The following PDS5B variants were observed in gnomAD, a reference collection of about 807,000 sequenced individuals.
The protein encoded by PDS5B is sister chromatid cohesion protein PDS5 homolog B.
PDS5B carries 51 observed loss-of-function variants against 184.1 expected under a neutral mutation model. The observed-to-expected ratio is 0.28, with a 90% confidence interval of 0.22 to 0.35. PDS5B has a LOEUF of 0.35. Among genes scored for constraint, PDS5B ranks in the 10% least tolerant of loss-of-function variants. The pLI is 1.00. For missense variants in PDS5B, 1,180 were observed against 1,723.3 expected, an observed-to-expected ratio of 0.68 and a Z score of 5.58; for synonymous variants, 566 against 569.2, an observed-to-expected ratio of 0.99 and a Z score of 0.08.
chr13:32,636,910 A>G (rs1481631478), intron 1 of PDS5B, among the ~76,000 whole-genome samples: 1 of 152,222 alleles, frequency 6.6e-6, no homozygotes, highest in Non-Finnish European at 1.5e-5. Flanking sequence ...GAGACTTGAA[A>G]GAGCAGTGTT....
intron 18 of PDS5B, among the ~76,000 whole-genome samples, chr13:32,709,568 C>G (rs987888532): frequency 1.3e-5 from 2 of 151,996 alleles, no homozygotes; most frequent in Non-Finnish European, 2.9e-5. Flanking sequence ...CTTCTTCAGT[C>G]TCTGCTAATG....
chr13:32,706,583 A>G (rs1252503199), intron 17 of PDS5B, among the ~76,000 whole-genome samples: 2 of 152,116 alleles, frequency 1.3e-5, no homozygotes, highest in Admixed American at 6.5e-5. Flanking sequence ...ATATTGTTCT[A>G]CTTACTGGAC....
intron 1 of PDS5B, among the ~76,000 whole-genome samples, chr13:32,607,762 G>A (rs1037630350): frequency 3.9e-5 from 6 of 152,290 alleles, no homozygotes; most frequent in East Asian, 1.9e-4. Flanking sequence ...CAGCAATGGC[G>A]AATGCCCCTC....
chr13:32,701,308 T>C lies in PDS5B; in HGVS notation c.1741-15T>C, dbSNP rs1951855373. 7.8e-7 allele frequency: 1 copy of C among 1,289,538 alleles called. No individual in the cohort carries two copies. The highest frequency in any genetic ancestry group is 1.1e-6 in the Non-Finnish European group (1 of 895,464). The allele number at this position is 1,289,538 out of a possible 1,614,324, so 79.9% of individuals were successfully genotyped here. On this transcript the variant is annotated splice_polypyrimidine_tract_variant and intron_variant, in intron 16 of 34. Transcript: ENST00000315596. The stretch of plus-strand genomic sequence containing the variant: ...TAAATGTACTTTTGTAATACTGAAA[T>C]AATCTGTATTACAGCGTGAAATAAC...
chr13:32,741,082 T>C lies in PDS5B; in HGVS notation c.2409T>C (p.Leu803=). The change falls in exon 22 of 35, where the codon CTT becomes CTC. Residue 803 remains leucine, a splice_region_variant and synonymous_variant. Coordinates refer to ENST00000315596, the MANE Select transcript of PDS5B (RefSeq NM_015032.4). ...IVKDLLMNDR[L]PGKKTTKLWV... The stretch of plus-strand genomic sequence containing the variant: ...TTTTTTTTCTCGTTTATTTTTAGCT[T>C]CCAGGGAAAAAGACAACTAAACTTT... 6.5e-7 allele frequency: 1 copy of C among 1,531,508 alleles called. No homozygotes were observed. Among genetic ancestry groups the C allele is most frequent in the Non-Finnish European group, 8.9e-7 (1 of 1,118,716 alleles). 94.9% of individuals were successfully genotyped at this position (1,531,508 alleles called of 1,614,324 possible). A position where few individuals can be genotyped will look rare whatever the true frequency, so the allele number is the denominator to read the frequency against.
chr13:32,761,891 C>T (rs935026324), intron 30 of PDS5B, among the ~76,000 whole-genome samples: 1 of 152,188 alleles, frequency 6.6e-6, no homozygotes, highest in Admixed American at 6.5e-5. Flanking sequence ...AACTGTTTTC[C>T]ATAGTGGCTG....
At position 32,673,256 on chromosome 13, in the gene PDS5B, G is replaced by A; in HGVS notation, c.746G>A (p.Ser249Asn). 2 of 1,613,312 alleles carry A rather than the reference G, an allele frequency of 1.2e-6. No individual in the cohort carries two copies. Among genetic ancestry groups the A allele is most frequent in the Non-Finnish European group, 1.7e-6 (2 of 1,179,666 alleles). The stretch of plus-strand genomic sequence containing the variant: ...CTGATGCTTGGGAAAACATCTATCA[G>A]CGATTTGTCAGAGCATGTCTTTGAC... ...QVLMLGKTSI[S>N]DLSEHVFDLI... The change falls in exon 8 of 35, where the codon AGC (serine) becomes AAC (asparagine). Residue 249 changes from serine (S) to asparagine (N), a missense_variant. Physicochemically the swap from Ser to Asn is conservative, Grantham distance 46. Around this residue, in one of 11 missense-constraint regions of PDS5B, gnomAD observed 79 missense variants for 124.6 expected, o/e 0.63. Transcript: ENST00000315596.
intron 6 of PDS5B, among the ~76,000 whole-genome samples, chr13:32,663,571 CTTAAA>C (rs1051655846): frequency 2.6e-5 from 4 of 152,044 alleles, no homozygotes; most frequent in Non-Finnish European, 4.4e-5. Context: ...TGAAATAGAA[CTTAAA>C]TTGATAAGGA....
chr13:32,606,663 T>C (rs150464633), intron 1 of PDS5B, among the ~76,000 whole-genome samples: 2,104 of 152,332 alleles, frequency 0.014, 39 homozygotes, highest in South Asian at 0.082. Context: ...GAAGAGTGTT[T>C]TCCAACTTGG....
chr13:32,592,786 C>A (rs891157145), intron 1 of PDS5B, among the ~76,000 whole-genome samples: 2 of 152,068 alleles, frequency 1.3e-5, no homozygotes, highest in Non-Finnish European at 2.9e-5. Context: ...GGGTCCCTTT[C>A]TAAGGAATGC....
Position 32,745,959 on chromosome 13 carries a change from A to C in PDS5B, c.2613-18A>C. ...ATATTTTAAATGCTAATCTATATTC[A>C]TTCTACTCATTTTTCAGTAAACCAG... On this transcript the variant is annotated intron_variant, in intron 23 of 34. Coordinates refer to ENST00000315596, the MANE Select transcript of PDS5B (RefSeq NM_015032.4). 1 of 1,590,986 alleles carries C rather than the reference A, an allele frequency of 6.3e-7. No homozygotes were observed. The highest frequency in any genetic ancestry group is 8.6e-7 in the Non-Finnish European group (1 of 1,159,848).
intron 9 of PDS5B, among the ~76,000 whole-genome samples, chr13:32,676,874 T>A (rs1345159108): frequency 7.5e-6 from 1 of 133,270 alleles, no homozygotes. Flanking sequence ...GAGCTTGCAG[T>A]GAGCTGAGAT....
At chr13:32,691,158 T>A (rs927004710) in intron 13 of PDS5B, 3 of 152,084 alleles carry the variant, frequency 2.0e-5, no homozygotes, top group Non-Finnish European at 2.9e-5. Flanking sequence ...TTGTTTCCTT[T>A]AAAAATTTTT....
intron 1 of PDS5B, among the ~76,000 whole-genome samples, chr13:32,594,323 G>T (rs1347140903): frequency 6.6e-6 from 1 of 152,188 alleles, no homozygotes; most frequent in African/African-American, 2.4e-5. Context: ...GCAAAAATGG[G>T]ATAATTACTG....
chr13:32,774,924 C>G, intron 34 of PDS5B, 93 bp from the exon 35 acceptor site: 2 of 1,180,690 alleles, frequency 1.7e-6, no homozygotes, highest in South Asian at 2.6e-5. Flanking sequence ...AAATCAGGAA[C>G]AAATGAGAAT....
At chr13:32,752,466 C>CT (rs1421591004) in intron 24 of PDS5B, among the ~76,000 whole-genome samples, 1 of 152,038 alleles carries the variant, frequency 6.6e-6, no homozygotes, top group Non-Finnish European at 1.5e-5. Flanking sequence ...TTTTGTTAGG[C>CT]TTAGAGAGAT....
intron 1 of PDS5B, among the ~76,000 whole-genome samples, chr13:32,621,798 C>T (rs2058305780): frequency 6.6e-6 from 1 of 152,122 alleles, no homozygotes. Context: ...GGAATATAGC[C>T]ACACCTAATC....
In PDS5B at chr13:32,688,398, A is replaced by G. The variant is rs933934099; in HGVS notation, c.1356-58A>G. 1.4e-5 allele frequency: 11 copies of G among 811,750 alleles called. No homozygotes were observed. The Admixed American group carries it at 2.2e-4, about 16-fold the overall frequency. The allele number at this position is 811,750 out of a possible 1,614,324, so 50.3% of individuals were successfully genotyped here. On this transcript the variant is annotated intron_variant, in intron 12 of 34. Transcript: ENST00000315596. ...TCTTTACATAGTTTTAGAATTTTAT[A>G]TACAACTTTAGAACATTAGAAAAAA...
At chr13:32,701,550 G>A (rs1432634721) in intron 17 of PDS5B, 112 bp downstream of exon 17, 3 of 619,336 alleles carry the variant, frequency 4.8e-6, no homozygotes, top group Non-Finnish European at 8.7e-6. Flanking sequence ...TGTGTATTGT[G>A]TACTCCTCTG....
Sources: gnomAD v4.1 joint callset for allele counts (sites outside exome capture counted in the v4.1 genomes callset) on GRCh38, gnomAD v4.1.1 for gene constraint, gnomAD v4.1.1 regional missense constraint, MANE v1.5 for transcripts, NCBI Gene and HGNC (gene_info 2026-07-23, HGNC 2026-07-21) for gene names.